FLRT2: variants seen among roughly 807,000 people sequenced by gnomAD.
The protein encoded by FLRT2 is leucine-rich repeat transmembrane protein FLRT2.
A neutral mutation model predicts 40.0 loss-of-function variants in FLRT2; 15 were observed. The ratio of observed to expected loss-of-function variants is 0.38; its 90% CI spans 0.25 to 0.58. The LOEUF (loss-of-function observed/expected upper bound fraction) is 0.58, where lower values mean the gene tolerates loss of function less well. FLRT2 is among the 20% of genes least tolerant of loss of function. FLRT2 has a pLI of 0.71. For missense variants in FLRT2, 726 were observed against 840.0 expected, an observed-to-expected ratio of 0.86 and a Z score of 1.68; for synonymous variants, 380 against 336.8, an observed-to-expected ratio of 1.13 and a Z score of -1.41.
intron 1 of FLRT2, among the ~76,000 whole-genome samples, chr14:85,533,505 C>T (rs1473863217): frequency 6.6e-6 from 1 of 152,082 alleles, no homozygotes; most frequent in East Asian, 2.0e-4. Flanking sequence ...CGCCGAGTCC[C>T]GGGATCCTCC....
intron 1 of FLRT2, among the ~76,000 whole-genome samples, chr14:85,551,371 G>A (rs903050437): frequency 1.3e-5 from 2 of 152,072 alleles, no homozygotes; most frequent in Non-Finnish European, 2.9e-5. Context: ...GGAGGGGTGG[G>A]AGAGAAATTT....
intron 1 of FLRT2, among the ~76,000 whole-genome samples, chr14:85,584,635 C>T (rs1223244686): frequency 2.0e-5 from 3 of 152,196 alleles, no homozygotes; most frequent in Non-Finnish European, 4.4e-5. Flanking sequence ...AGGGCAGGTC[C>T]TGCCCGGGCT....
At chr14:85,618,794 C>T (rs1330844156) in intron 1 of FLRT2, among the ~76,000 whole-genome samples, 4 of 152,178 alleles carry the variant, frequency 2.6e-5, no homozygotes, top group African/African-American at 9.7e-5. Flanking sequence ...CAGGCTCTCG[C>T]TAACATTCTG....
In FLRT2 at chr14:85,638,466, C is replaced by G. The variant is rs1269532101; in HGVS notation, c.*14969C>G. ...CCCTTGAGATTTCATCATGGCTTTACTTCTCCCTCTACCAGTCCTGGTTCT... is the reference window on the plus strand; with the variant it reads ...CCCTTGAGATTTCATCATGGCTTTAGTTCTCCCTCTACCAGTCCTGGTTCT... On this transcript the variant is annotated 3_prime_UTR_variant, in exon 2 of 2. Coordinates refer to ENST00000330753, the MANE Select transcript of FLRT2 (RefSeq NM_013231.6). 1 of 152,368 alleles carries G rather than the reference C, an allele frequency of 6.6e-6. No individual in the cohort carries two copies. The highest frequency in any genetic ancestry group is 2.4e-5 in the African/African-American group (1 of 41,422). The allele number at this position is 152,368 out of a possible 1,614,324, so 9.4% of individuals were successfully genotyped here. A position where few individuals can be genotyped will look rare whatever the true frequency, so the allele number is the denominator to read the frequency against.
chr14:85,550,158 G>C (rs373106936), intron 1 of FLRT2, among the ~76,000 whole-genome samples: 21 of 152,182 alleles, frequency 1.4e-4, no homozygotes, highest in African/African-American at 5.1e-4. Flanking sequence ...TGTAGAGGAG[G>C]CTGGCTTATC....
In FLRT2 at chr14:85,643,830, A is replaced by C. The variant is rs1446787100; in HGVS notation, c.*20333A>C. ...TTGGTGGAATCCTGGAGTGACAGAG[A>C]ACAAACGACAACATTTAGTCCAGTT... On this transcript the variant is annotated 3_prime_UTR_variant, in exon 2 of 2. Coordinates refer to ENST00000330753, the MANE Select transcript of FLRT2 (RefSeq NM_013231.6). 6.6e-6 allele frequency: 1 copy of C among 152,220 alleles called. No homozygotes were observed. Among genetic ancestry groups the C allele is most frequent in the Non-Finnish European group, 1.5e-5 (1 of 68,058 alleles). The allele number at this position is 152,220 out of a possible 1,614,324, so 9.4% of individuals were successfully genotyped here.
In FLRT2 at chr14:85,624,303, T is replaced by C. The variant is rs1893569323; in HGVS notation, c.*806T>C. The C allele has an allele frequency of 6.0e-6, 1 of 167,096 alleles. No individual in the cohort carries two copies. The highest frequency in any genetic ancestry group is 1.5e-5 in the Non-Finnish European group (1 of 68,124). 10.4% of individuals were successfully genotyped at this position (167,096 alleles called of 1,614,324 possible). On this transcript the variant is annotated 3_prime_UTR_variant, in exon 2 of 2. Transcript: ENST00000330753. ...AGACTCCCTTTAAAAGTGTTACTGT[T>C]CAAATCATATATCAGGTTGAATCAC...
At chr14:85,600,861 C>T (rs1205199510) in intron 1 of FLRT2, among the ~76,000 whole-genome samples, 1 of 151,970 alleles carries the variant, frequency 6.6e-6, no homozygotes, top group Admixed American at 6.6e-5. Flanking sequence ...GGTTGGGGGT[C>T]GAGTCTGTGA....
Position 85,638,236 on chromosome 14 carries a change from G to A in FLRT2, c.*14739G>A, listed in dbSNP as rs1894058119. 6.6e-6 allele frequency: 1 copy of A among 152,158 alleles called. No individual in the cohort carries two copies. The highest frequency in any genetic ancestry group is 2.1e-4 in the South Asian group (1 of 4,828). The allele number at this position is 152,158 out of a possible 1,614,324, so 9.4% of individuals were successfully genotyped here. A position where few individuals can be genotyped will look rare whatever the true frequency, so the allele number is the denominator to read the frequency against. On this transcript the variant is annotated 3_prime_UTR_variant, in exon 2 of 2. Coordinates refer to ENST00000330753, the MANE Select transcript of FLRT2 (RefSeq NM_013231.6). Reference sequence around the variant, plus strand: ...GTTTACCTGTGTGGTTGGCATTCTTGGAAGTGCTCTGGTTCTATTGGCAGA... The same window carrying A: ...GTTTACCTGTGTGGTTGGCATTCTTAGAAGTGCTCTGGTTCTATTGGCAGA...
intron 1 of FLRT2, among the ~76,000 whole-genome samples, chr14:85,593,332 C>G (rs1891986974): frequency 6.6e-6 from 1 of 152,146 alleles, no homozygotes; most frequent in Non-Finnish European, 1.5e-5. Context: ...TTTTGAAAGT[C>G]CATGAAATTA....
chr14:85,599,172 G>A (rs917274376), intron 1 of FLRT2, among the ~76,000 whole-genome samples: 1 of 150,442 alleles, frequency 6.6e-6, no homozygotes, highest in Non-Finnish European at 1.5e-5. Context: ...TGCCCGCCTC[G>A]GCCTCCCAAA....
rs941631490 is a variant in FLRT2 at position 85,648,198 on chromosome 14, C to G, written c.*24701C>G. The stretch of plus-strand genomic sequence containing the variant: ...TAAGGAATAGTTACTGTATGTTAGG[C>G]AGGTGCATGTTGTTATTGCTACTTT... On this transcript the variant is annotated 3_prime_UTR_variant, in exon 2 of 2. Transcript: ENST00000330753. The G allele has an allele frequency of 6.6e-6, 1 of 152,088 alleles. No individual in the cohort carries two copies. Among genetic ancestry groups the G allele is most frequent in the Admixed American group, 6.6e-5 (1 of 15,252 alleles). 9.4% of individuals were successfully genotyped at this position (152,088 alleles called of 1,614,324 possible).
rs34224453 is a variant in FLRT2 at position 85,642,132 on chromosome 14, C to CAAAAAAAAAAAAAAAAAAAAA, written c.*18650_*18651insAAAAAAAAAAAAAAAAAAAAA. Reference sequence around the variant, plus strand: ...CTTACAGTTTCAAGGTTGCTGTTGACAAAAAAAAAAAAAAAGAAAGAAAGA... The same window carrying CAAAAAAAAAAAAAAAAAAAAA: ...CTTACAGTTTCAAGGTTGCTGTTGACAAAAAAAAAAAAAAAAAAAAAAAAAAAAAAAAAAAAGAAAGAAAGA... On this transcript the variant is annotated 3_prime_UTR_variant, in exon 2 of 2. Transcript: ENST00000330753. 1.6e-5 allele frequency: 2 copies of CAAAAAAAAAAAAAAAAAAAAA among 128,790 alleles called. No individual in the cohort carries two copies. Among genetic ancestry groups the CAAAAAAAAAAAAAAAAAAAAA allele is most frequent in the Non-Finnish European group, 3.2e-5 (2 of 62,274 alleles). 8.0% of individuals were successfully genotyped at this position (128,790 alleles called of 1,614,324 possible).
In FLRT2 at chr14:85,646,433, T is replaced by C. The variant is rs546453531; in HGVS notation, c.*22936T>C. 3 of 152,280 alleles carry C rather than the reference T, an allele frequency of 2.0e-5. No individual in the cohort carries two copies. The highest frequency in any genetic ancestry group is 7.2e-5 in the African/African-American group (3 of 41,572). 9.4% of individuals were successfully genotyped at this position (152,280 alleles called of 1,614,324 possible). A position where few individuals can be genotyped will look rare whatever the true frequency, so the allele number is the denominator to read the frequency against. Reference sequence around the variant, plus strand: ...ACCAAATTAAGATGCTGAAGTCAGATGACTTATGAATCAATTTAAAACAAA... The same window carrying C: ...ACCAAATTAAGATGCTGAAGTCAGACGACTTATGAATCAATTTAAAACAAA... On this transcript the variant is annotated 3_prime_UTR_variant, in exon 2 of 2. Transcript: ENST00000330753.
chr14:85,540,678 T>A (rs576323988), intron 1 of FLRT2, among the ~76,000 whole-genome samples: 2 of 151,894 alleles, frequency 1.3e-5, no homozygotes, highest in Admixed American at 6.6e-5. Context: ...CTTTTCAATC[T>A]ATGATTTGCT....
chr14:85,581,242 C>T (rs1377769545), intron 1 of FLRT2, among the ~76,000 whole-genome samples: 2 of 152,242 alleles, frequency 1.3e-5, no homozygotes, highest in African/African-American at 2.4e-5. Flanking sequence ...AAATTAGCTT[C>T]CCATTTGTTT....
At chr14:85,600,004 T>C (rs11849429) in intron 1 of FLRT2, among the ~76,000 whole-genome samples, 8,602 of 152,172 alleles carry the variant, frequency 0.057, 863 homozygotes, top group African/African-American at 0.2. Flanking sequence ...CATCTGTAAG[T>C]AATTGATGGT....
chr14:85,622,126 G>A lies in FLRT2; in HGVS notation c.612G>A (p.Thr204=), dbSNP rs765946649. The A allele has an allele frequency of 2.5e-6, 4 of 1,613,974 alleles. No individual in the cohort carries two copies. The highest frequency in any genetic ancestry group is 2.2e-5 in the South Asian group (2 of 91,086). The change falls in exon 2 of 2, where the codon ACG becomes ACA. Residue 204 remains threonine (T), a synonymous_variant. Transcript: ENST00000330753. ...VISDMAFQNL[T]SLERLIVDGN... is the part of the protein sequence containing the mutation. ...CCGACATGGCCTTCCAGAATCTCAC[G>A]AGCTTGGAGCGTCTTATTGTGGACG... is the stretch of plus-strand genomic sequence containing the variant.
intron 1 of FLRT2, among the ~76,000 whole-genome samples, chr14:85,557,820 A>AATT: frequency 6.7e-6 from 1 of 150,292 alleles, no homozygotes; most frequent in East Asian, 2.0e-4. Context: ...CCATTTCAAT[A>AATT]AATAAATAAA....
Sources: allele counts gnomAD v4.1 joint callset (sites outside exome capture counted in the v4.1 genomes callset), GRCh38; gene constraint gnomAD v4.1.1; transcripts MANE v1.5; gene names NCBI Gene and HGNC (gene_info 2026-07-23, HGNC 2026-07-21).